AP4E1: variants seen among roughly 807,000 people sequenced by gnomAD.
AP4E1 encodes AP-4 complex subunit epsilon-1.
AP4E1 carries 56 observed loss-of-function variants against 128.2 expected under a neutral mutation model. The observed-to-expected ratio is 0.44, with a 90% confidence interval of 0.35 to 0.55. The LOEUF (loss-of-function observed/expected upper bound fraction) is 0.55. Ranked by LOEUF, AP4E1 falls within the 20% of genes least tolerant of loss-of-function variation. The probability of loss-of-function intolerance (pLI) is 0.00; values close to 1 mark genes in which losing one functional copy is unlikely to be tolerated. For synonymous variants in AP4E1, 484 were observed against 473.1 expected (o/e 1.02, Z -0.30); for missense variants, 1,324 against 1,307.7 (o/e 1.01, Z -0.19).
chr15:50,996,315 T>C (rs936760194), intron 17 of AP4E1, among the ~76,000 whole-genome samples: 27 of 151,970 alleles, frequency 1.8e-4, no homozygotes, highest in Non-Finnish European at 2.6e-4. Flanking sequence ...CACATCTACC[T>C]TGAGTCCCAT....
chr15:50,982,585 G>A (rs538581950), intron 15 of AP4E1, among the ~76,000 whole-genome samples: 31 of 152,154 alleles, frequency 2.0e-4, no homozygotes, highest in Non-Finnish European at 4.1e-4. Context: ...AACTGTTGAC[G>A]TAGTTTGAAT....
chr15:50,918,982 A>C (rs752070005), intron 3 of AP4E1, among the ~76,000 whole-genome samples: 1 of 151,762 alleles, frequency 6.6e-6, no homozygotes, highest in Non-Finnish European at 1.5e-5. Context: ...TAATCCCAGC[A>C]CTTTGAGAGG....
At chr15:50,912,901 C>T (rs1363737516) in intron 2 of AP4E1, among the ~76,000 whole-genome samples, 1 of 152,040 alleles carries the variant, frequency 6.6e-6, no homozygotes, top group Non-Finnish European at 1.5e-5. Context: ...TGACCTCAAG[C>T]GATCCACCCA....
At position 50,998,967 on chromosome 15, in the gene AP4E1, A is replaced by G. The variant is rs1024258494; in HGVS notation, c.2905-105A>G. The G allele has an allele frequency of 7.6e-6, 8 of 1,053,534 alleles. No individual in the cohort carries two copies. In the African/African-American group the frequency reaches 9.5e-5, roughly 12 times the overall value. 65.3% of individuals were successfully genotyped at this position (1,053,534 alleles called of 1,614,324 possible). A position where few individuals can be genotyped will look rare whatever the true frequency, so the allele number is the denominator to read the frequency against. ...ATGTAGTTTGTTATTAACTTCCCAT[A>G]TTAGTATGATTTGTGCCACTTCAAT... is the stretch of plus-strand genomic sequence containing the variant. On this transcript the variant is annotated intron_variant, in intron 18 of 20. Transcript: ENST00000261842.
chr15:50,979,090 T>G (rs1294225170), intron 15 of AP4E1, among the ~76,000 whole-genome samples: 1 of 152,220 alleles, frequency 6.6e-6, no homozygotes, highest in African/African-American at 2.4e-5. Flanking sequence ...TTTCTGCTTT[T>G]TGGTTTAAAC....
intron 13 of AP4E1, among the ~76,000 whole-genome samples, chr15:50,951,942 G>A (rs193129066): frequency 2.8e-4 from 42 of 152,024 alleles, no homozygotes; most frequent in African/African-American, 9.4e-4. Context: ...GGCCAGGCTG[G>A]TCTCGAACTC....
In AP4E1 at chr15:50,925,230, T is replaced by G. The variant is rs58882998; in HGVS notation, c.542+11T>G. 1.3e-3 allele frequency: 2,078 copies of G among 1,611,448 alleles called. 38 individuals are homozygous for G. The African/African-American group carries it at 0.025, about 19-fold the overall frequency. On this transcript the variant is annotated intron_variant, in intron 5 of 20. Coordinates refer to ENST00000261842, the MANE Select transcript of AP4E1 (RefSeq NM_007347.5). ...ACTTCAACATTCTAAGTAAGTAAAT[T>G]CTTTTGGGATAGGCATCTATGCCAT...
intron 1 of AP4E1, among the ~76,000 whole-genome samples, chr15:50,910,638 A>G (rs2063555385): frequency 6.6e-6 from 1 of 152,134 alleles, no homozygotes. Flanking sequence ...TTCCAGAATC[A>G]TTACTTGTGG....
intron 8 of AP4E1, among the ~76,000 whole-genome samples, chr15:50,939,704 C>T (rs567172524): frequency 2.6e-4 from 40 of 152,092 alleles, no homozygotes; most frequent in African/African-American, 8.2e-4. Flanking sequence ...TGAATATAAA[C>T]GTTTAAATTT....
At chr15:50,997,973 C>A in intron 18 of AP4E1, 90 bp downstream of exon 18, 1 of 1,028,776 alleles carries the variant, frequency 9.7e-7, no homozygotes, top group Non-Finnish European at 1.4e-6. Flanking sequence ...TCACTTTTGT[C>A]ATAAACACTA....
At chr15:50,951,834 C>A (rs1426673347) in intron 13 of AP4E1, among the ~76,000 whole-genome samples, 1 of 148,204 alleles carries the variant, frequency 6.7e-6, no homozygotes, top group East Asian at 2.0e-4. Context: ...TCAAGCAATT[C>A]TCCTGTCTTG....
rs1178073575 is a variant in AP4E1, at chr15:50,960,807, G to A, written c.1851+2013G>A. 2.7e-5 allele frequency among the ~76,000 whole-genome samples: 4 copies of A among 148,750 alleles called. No individual in the cohort carries two copies. The South Asian group carries it at 6.3e-4, about 24-fold the overall frequency. ...GACCAGAAATAAACAAAATGGAGACGTAAAAAAGATACAAAAAAAAAAGAG... is the reference window on the plus strand; with the variant it reads ...GACCAGAAATAAACAAAATGGAGACATAAAAAAGATACAAAAAAAAAAGAG... On this transcript the variant is annotated intron_variant, in intron 14 of 20. Transcript: ENST00000261842.
chr15:50,912,580 A>G (rs1054408752), intron 2 of AP4E1, among the ~76,000 whole-genome samples: 9 of 152,180 alleles, frequency 5.9e-5, no homozygotes, highest in Admixed American at 2.6e-4. Context: ...TTCAGCAACT[A>G]TTTAATGAAT....
At chr15:50,964,029 C>T (rs1355090940) in intron 14 of AP4E1, among the ~76,000 whole-genome samples, 2 of 152,186 alleles carry the variant, frequency 1.3e-5, no homozygotes, top group South Asian at 2.1e-4. Flanking sequence ...GAGCTTCCTG[C>T]ATATGGATGT....
chr15:50,999,304 C>G, intron 19 of AP4E1, 42 bp downstream of exon 19: 1 of 1,549,888 alleles, frequency 6.5e-7, no homozygotes, highest in Middle Eastern at 2.3e-4. Flanking sequence ...GTTAATTCAC[C>G]AACTATTTTT....
chr15:50,980,656 A>C (rs1489354666), intron 15 of AP4E1, among the ~76,000 whole-genome samples: 1 of 152,140 alleles, frequency 6.6e-6, no homozygotes, highest in Non-Finnish European at 1.5e-5. Flanking sequence ...CCTTCTCTTC[A>C]CAGGCTCGAG....
chr15:50,961,297 A>G (rs189606878), intron 14 of AP4E1, among the ~76,000 whole-genome samples: 1 of 152,098 alleles, frequency 6.6e-6, no homozygotes, highest in Admixed American at 6.5e-5. Context: ...AGACAAGGAC[A>G]CAACAACAAT....
At chr15:50,973,255 T>C (rs2064507158) in intron 15 of AP4E1, among the ~76,000 whole-genome samples, 1 of 152,224 alleles carries the variant, frequency 6.6e-6, no homozygotes, top group South Asian at 2.1e-4. Flanking sequence ...CCAGGCTGTG[T>C]GCTAGGCATA....
intron 15 of AP4E1, among the ~76,000 whole-genome samples, chr15:50,977,219 A>T (rs2064563664): frequency 1.3e-5 from 2 of 152,156 alleles, no homozygotes. Flanking sequence ...ATTTTCAGGT[A>T]TCTGGGGGCC....
Sources: gnomAD v4.1 joint callset for allele counts (sites outside exome capture counted in the v4.1 genomes callset) on GRCh38, gnomAD v4.1.1 for gene constraint, MANE v1.5 for transcripts, NCBI Gene and HGNC (gene_info 2026-07-23, HGNC 2026-07-21) for gene names.